Variants in RNLS observed in about 807,000 individuals in gnomAD.
The protein encoded by RNLS is renalase, FAD dependent amine oxidase, also known as renalase.
In RNLS, 39 loss-of-function variants were observed where a neutral mutation model predicts 39.8. The observed-to-expected ratio is 0.98, with a 90% CI of 0.76 to 1.28. The LOEUF is 1.28. Ranked by LOEUF, RNLS falls within the 50% of genes most tolerant of loss-of-function variation. RNLS has a pLI of 0.00. For synonymous variants in RNLS, 147 were observed against 150.7 expected, an observed-to-expected ratio of 0.98 and a Z score of 0.18; for missense variants, 410 against 413.3, an observed-to-expected ratio of 0.99 and a Z score of 0.07.
At chr10:88,334,404 T>C (rs924947536) in intron 5 of RNLS, among the ~76,000 whole-genome samples, 3 of 152,232 alleles carry the variant, frequency 2.0e-5, no homozygotes. Flanking sequence ...TCAGGATTAC[T>C]GTACAGATTC....
chr10:88,508,022 G>C (rs540821666), intron 4 of RNLS, among the ~76,000 whole-genome samples: 3 of 152,278 alleles, frequency 2.0e-5, no homozygotes, highest in South Asian at 2.1e-4. Context: ...ACCATTCTTT[G>C]AAAGTCTGAA....
chr10:88,562,191 A>G (rs890767538), intron 4 of RNLS, among the ~76,000 whole-genome samples: 2 of 152,148 alleles, frequency 1.3e-5, no homozygotes, highest in Admixed American at 6.6e-5. Flanking sequence ...TTATCACCCA[A>G]TATAGCATTA....
intron 4 of RNLS, among the ~76,000 whole-genome samples, chr10:88,425,978 C>T (rs1854728201): frequency 6.6e-6 from 1 of 151,950 alleles, no homozygotes; most frequent in Admixed American, 6.6e-5. Flanking sequence ...ACAAGTGTCC[C>T]TGAAAATTTT....
chr10:88,203,340 G>T, the RNLS span, among the ~76,000 whole-genome samples: 1 of 6,630 alleles, frequency 1.5e-4, no homozygotes. Flanking sequence ...ATATATACAC[G>T]TATGTGTATA....
rs1202076718 is a variant in RNLS, at chr10:88,469,814, TGTGTGTGC to T, written c.526+103081_526+103088del. Among the ~76,000 whole-genome samples, 78 of 121,296 alleles carry T rather than the reference TGTGTGTGC, an allele frequency of 6.4e-4. 1 individual carries two copies. The highest frequency in any genetic ancestry group is 5.0e-3 in the Admixed American group (50 of 10,042). 79.6% of individuals were successfully genotyped at this position (121,296 alleles called of 152,430 possible). On this transcript the variant is annotated intron_variant, in intron 4 of 6. Transcript: ENST00000331772. The stretch of plus-strand genomic sequence containing the variant: ...ATCCATCTATGGGTCAATATTTTTA[TGTGTGTGC>T]GTGTGTGTGTGTGTGTGTGTGTGTG...
Position 88,285,236 on chromosome 10 carries a change from TAAG to T in RNLS, c.*115_*117del, listed in dbSNP as rs1255848694. The T allele has an allele frequency of 7.2e-7, 1 of 1,394,164 alleles. No homozygotes were observed. The highest frequency in any genetic ancestry group is 1.5e-5 in the African/African-American group (1 of 68,392). 86.4% of individuals were successfully genotyped at this position (1,394,164 alleles called of 1,614,324 possible). On this transcript the variant is annotated 3_prime_UTR_variant, in exon 7 of 7. Coordinates refer to ENST00000331772, the MANE Select transcript of RNLS (RefSeq NM_001031709.3). Reference sequence around the variant, plus strand: ...TTATACTCCACATGAAAAATGATAATAAGTGAAGAACAATTTTCCAGTAATTTT... The same window carrying T: ...TTATACTCCACATGAAAAATGATAATTGAAGAACAATTTTCCAGTAATTTT...
At chr10:88,208,609 G>GA in the RNLS span, among the ~76,000 whole-genome samples, 10 of 151,712 alleles carry the variant, frequency 6.6e-5, no homozygotes, top group Admixed American at 3.9e-4. Flanking sequence ...CAATTTCAGG[G>GA]AAAAAAAATT....
chr10:88,273,331 G>C (rs1490153298), downstream of RNLS, among the ~76,000 whole-genome samples: 1 of 152,126 alleles, frequency 6.6e-6, no homozygotes, highest in East Asian at 1.9e-4. Context: ...CCACCACCTT[G>C]AAGACATTGA....
At chr10:88,567,647 TCTCCCA>T (rs1323886336) in intron 4 of RNLS, among the ~76,000 whole-genome samples, 3 of 152,190 alleles carry the variant, frequency 2.0e-5, no homozygotes, top group Non-Finnish European at 2.9e-5. Context: ...TTCAAATTAG[TCTCCCA>T]CTTTGCCTAC....
chr10:88,222,846 C>T, the RNLS span, among the ~76,000 whole-genome samples: 52 of 152,294 alleles, frequency 3.4e-4, no homozygotes, highest in African/African-American at 1.2e-3. Flanking sequence ...GAAATCAATT[C>T]GAGGGAGTCA....
chr10:88,172,476 C>T, the RNLS span, among the ~76,000 whole-genome samples: 12 of 152,168 alleles, frequency 7.9e-5, no homozygotes, highest in African/African-American at 2.9e-4. Context: ...TGTATATTTT[C>T]ATTTGAGAAA....
chr10:88,256,171 C>G, the RNLS span, among the ~76,000 whole-genome samples: 9 of 151,790 alleles, frequency 5.9e-5, no homozygotes, highest in Admixed American at 6.6e-5. Flanking sequence ...TGTGGCAACT[C>G]AGAAAGCTAT....
At chr10:88,193,648 G>A in the RNLS span, among the ~76,000 whole-genome samples, 5 of 152,130 alleles carry the variant, frequency 3.3e-5, no homozygotes, top group South Asian at 1.0e-3. Flanking sequence ...TCCCTCCATC[G>A]GGACAGCCAG....
At chr10:88,423,959 G>A (rs1422782117) in intron 4 of RNLS, among the ~76,000 whole-genome samples, 1 of 152,210 alleles carries the variant, frequency 6.6e-6, no homozygotes, top group Non-Finnish European at 1.5e-5. Flanking sequence ...GTCACTCACT[G>A]TGTGACCTAG....
At chr10:88,290,180 A>G (rs927271392) in intron 6 of RNLS, among the ~76,000 whole-genome samples, 2 of 152,180 alleles carry the variant, frequency 1.3e-5, no homozygotes, top group African/African-American at 2.4e-5. Flanking sequence ...TCTTCCTTTC[A>G]TATCTATGCT....
At chr10:88,274,944 C>T in exon 7 of RNLS, 1 of 1,602,798 alleles carries the variant, frequency 6.2e-7, no homozygotes, top group East Asian at 2.2e-5. Context: ...TGACTGTGTG[C>T]TCCAATTTCC....
intron 5 of RNLS, among the ~76,000 whole-genome samples, chr10:88,338,381 G>C (rs547987373): frequency 6.6e-6 from 1 of 152,326 alleles, no homozygotes; most frequent in South Asian, 2.1e-4. Context: ...ATTTAAGAAA[G>C]CTTTGGTCTA....
intron 4 of RNLS, among the ~76,000 whole-genome samples, chr10:88,488,479 A>G (rs1974053): frequency 0.83 from 124,553 of 149,332 alleles, 52,337 homozygotes; most frequent in East Asian, 1. Context: ...CTGGGAGGCC[A>G]AGGTTGTGGT....
chr10:88,343,876 T>A (rs1354660533), intron 5 of RNLS: 5 of 952,384 alleles, frequency 5.2e-6, no homozygotes, highest in Non-Finnish European at 6.3e-6. Context: ...GCAGAGGATT[T>A]GTCCTAACTC....
Sources: gnomAD v4.1 joint callset for allele counts (sites outside exome capture counted in the v4.1 genomes callset) on GRCh38, gnomAD v4.1.1 for gene constraint, MANE v1.5 for transcripts, NCBI Gene and HGNC (gene_info 2026-07-23, HGNC 2026-07-21) for gene names.